DYNC2H1: variants seen among roughly 807,000 people sequenced by gnomAD.
The protein encoded by DYNC2H1 is cytoplasmic dynein 2 heavy chain 1.
A neutral mutation model predicts 570.0 loss-of-function variants in DYNC2H1; 410 were observed. The ratio of observed to expected loss-of-function variants is 0.72; its 90% CI spans 0.66 to 0.78. The LOEUF is 0.78. Ranked by LOEUF, DYNC2H1 falls within the 30% of genes least tolerant of loss-of-function variation. The pLI is 0.00. For synonymous variants in DYNC2H1, 1,688 were observed against 1,677.6 expected, an observed-to-expected ratio of 1.01 and a Z score of -0.15; for missense variants, 4,865 against 5,046.4, an observed-to-expected ratio of 0.96 and a Z score of 1.09.
At chr11:103,409,057 C>T (rs1364637826) in intron 84 of DYNC2H1, among the ~76,000 whole-genome samples, 1 of 151,998 alleles carries the variant, frequency 6.6e-6, no homozygotes, top group Admixed American at 6.6e-5. Context: ...GCTACCTTTG[C>T]ACAGTCAGGA....
At chr11:103,159,408 G>A (rs1265249504) in intron 28 of DYNC2H1, among the ~76,000 whole-genome samples, 3 of 152,120 alleles carry the variant, frequency 2.0e-5, no homozygotes, top group Admixed American at 1.3e-4. Context: ...AGGAGAATAT[G>A]CCTCTTCCTT....
In DYNC2H1 at chr11:103,129,051, G is replaced by A. The variant is rs1378575787; in HGVS notation, c.1953+46G>A. On this transcript the variant is annotated intron_variant, in intron 13 of 88. Coordinates refer to ENST00000375735, the MANE Select transcript of DYNC2H1 (RefSeq NM_001377.3). The surrounding 1 kb of genome is among the most constrained non-coding windows in gnomAD (Gnocchi z 4.1). Reference sequence around the variant, plus strand: ...ATTATAATTAGATTTTACATGTGAAGTGTTTAATTCTTAATTTTCCGGTGT... The same window carrying A: ...ATTATAATTAGATTTTACATGTGAAATGTTTAATTCTTAATTTTCCGGTGT... 1.3e-6 allele frequency: 2 copies of A among 1,485,264 alleles called. No individual in the cohort carries two copies. The highest frequency in any genetic ancestry group is 1.8e-6 in the Non-Finnish European group (2 of 1,085,204). 92.0% of individuals were successfully genotyped at this position (1,485,264 alleles called of 1,614,324 possible). A position where few individuals can be genotyped will look rare whatever the true frequency, so the allele number is the denominator to read the frequency against.
At chr11:103,303,890 G>A (rs2135397806) in intron 76 of DYNC2H1, among the ~76,000 whole-genome samples, 1 of 152,122 alleles carries the variant, frequency 6.6e-6, no homozygotes, top group South Asian at 2.1e-4. Flanking sequence ...TTACTTGGAT[G>A]CTTTTATAAT....
At chr11:103,112,302 C>T (rs1858151854) in intron 1 of DYNC2H1, among the ~76,000 whole-genome samples, 1 of 152,128 alleles carries the variant, frequency 6.6e-6, no homozygotes, top group East Asian at 1.9e-4. Context: ...GAGAATAAGG[C>T]ACAGGCTGAT....
intron 87 of DYNC2H1, among the ~76,000 whole-genome samples, chr11:103,460,959 C>T (rs575440021): frequency 4.5e-4 from 69 of 152,078 alleles, no homozygotes; most frequent in African/African-American, 1.5e-3. Context: ...AAATAATTGT[C>T]ATTTTTGTTA....
intron 85 of DYNC2H1, among the ~76,000 whole-genome samples, chr11:103,437,887 T>C (rs964062055): frequency 4.6e-5 from 7 of 152,102 alleles, no homozygotes; most frequent in Non-Finnish European, 8.8e-5. Flanking sequence ...ATATCAGTGG[T>C]ACTATAATTA....
chr11:103,412,437 T>TTAAAA (rs1304063237), intron 84 of DYNC2H1, among the ~76,000 whole-genome samples: 1 of 152,316 alleles, frequency 6.6e-6, no homozygotes, highest in African/African-American at 2.4e-5. Flanking sequence ...AAAACATAAT[T>TTAAAA]TAAAATATAC....
chr11:103,116,241 C>T (rs1336550611), intron 4 of DYNC2H1, among the ~76,000 whole-genome samples: 2 of 152,052 alleles, frequency 1.3e-5, no homozygotes, highest in Non-Finnish European at 2.9e-5. Context: ...ATGCGAACTA[C>T]AGTGGGTAGT....
chr11:103,143,200 C>G lies in DYNC2H1; in HGVS notation c.2575-68C>G, dbSNP rs1860049874. On this transcript the variant is annotated intron_variant, in intron 17 of 88. Coordinates refer to ENST00000375735, the MANE Select transcript of DYNC2H1 (RefSeq NM_001377.3). The stretch of plus-strand genomic sequence containing the variant: ...TTTTATTGGTTTTAATAGTTGAATC[C>G]TATTCTATTATATGTTAACATATTG... 3.3e-6 allele frequency: 5 copies of G among 1,517,306 alleles called. No homozygotes were observed. In the South Asian group the frequency reaches 6.1e-5, roughly 19 times the overall value. The allele number at this position is 1,517,306 out of a possible 1,614,324, so 94.0% of individuals were successfully genotyped here.
At chr11:103,339,619 C>T (rs1005724395) in intron 82 of DYNC2H1, among the ~76,000 whole-genome samples, 3 of 148,972 alleles carry the variant, frequency 2.0e-5, no homozygotes, top group East Asian at 4.0e-4. Flanking sequence ...CTCTGCACTG[C>T]GTTGCCTGGA....
At chr11:103,452,053 A>T (rs1286577277) in intron 85 of DYNC2H1, among the ~76,000 whole-genome samples, 1 of 151,986 alleles carries the variant, frequency 6.6e-6, no homozygotes. Flanking sequence ...TTCCTCCATT[A>T]TGGAATAAAA....
intron 4 of DYNC2H1, among the ~76,000 whole-genome samples, chr11:103,115,954 G>A (rs1329835499): frequency 6.6e-6 from 1 of 152,028 alleles, no homozygotes; most frequent in Non-Finnish European, 1.5e-5. Context: ...AAAAGTTTTA[G>A]TTTTATGCTT....
Position 103,387,056 on chromosome 11 carries a change from G to A in DYNC2H1, c.12157-12607G>A, listed in dbSNP as rs956581577. 6.2e-4 allele frequency among the ~76,000 whole-genome samples: 94 copies of A among 152,206 alleles called. 1 individual carries two copies. The highest frequency in any genetic ancestry group is 2.2e-3 in the African/African-American group (92 of 41,560). On this transcript the variant is annotated intron_variant, in intron 83 of 88. Coordinates refer to ENST00000375735, the MANE Select transcript of DYNC2H1 (RefSeq NM_001377.3). ...GGGTCAAATGGTATTTCTAGTTCTAGATCCCTGAGGAATCGCCGTACTGAC... is the reference window on the plus strand; with the variant it reads ...GGGTCAAATGGTATTTCTAGTTCTAAATCCCTGAGGAATCGCCGTACTGAC...
intron 15 of DYNC2H1, among the ~76,000 whole-genome samples, chr11:103,135,059 A>G (rs1490196379): frequency 6.6e-6 from 1 of 152,148 alleles, no homozygotes; most frequent in African/African-American, 2.4e-5. Context: ...CTTATGAGCA[A>G]TCTAATATTT....
chr11:103,204,604 T>G lies in DYNC2H1; in HGVS notation c.8312-218T>G, dbSNP rs1233573267. Among the ~76,000 whole-genome samples, 3 of 152,284 alleles carry G rather than the reference T, an allele frequency of 2.0e-5. No homozygotes were observed. The East Asian group carries it at 5.8e-4, about 29-fold the overall frequency. On this transcript the variant is annotated intron_variant, in intron 51 of 88. Transcript: ENST00000375735. This position sits in a 1 kb window ranked among gnomAD's most constrained non-coding sequence, Gnocchi z 4.1. Reference sequence around the variant, plus strand: ...CCCAGACATTATGACACTTACATTTTTCATGGACATTTTTCTGAGTCTTTT... The same window carrying G: ...CCCAGACATTATGACACTTACATTTGTCATGGACATTTTTCTGAGTCTTTT...
intron 82 of DYNC2H1, among the ~76,000 whole-genome samples, chr11:103,345,565 G>A (rs142727173): frequency 6.6e-6 from 1 of 152,226 alleles, no homozygotes; most frequent in African/African-American, 2.4e-5. Context: ...TTTTATTGCT[G>A]TGGAGACAGT....
chr11:103,130,756 C>T (rs1425859214), intron 13 of DYNC2H1, among the ~76,000 whole-genome samples: 1 of 152,036 alleles, frequency 6.6e-6, no homozygotes, highest in African/African-American at 2.4e-5. Context: ...TTTTTCTTCC[C>T]TAATAAATTT....
intron 85 of DYNC2H1, among the ~76,000 whole-genome samples, chr11:103,452,227 T>G (rs1944631234): frequency 6.6e-6 from 1 of 152,176 alleles, no homozygotes; most frequent in Admixed American, 6.5e-5. Flanking sequence ...TACTTGATTA[T>G]GATCAGAGGC....
At chr11:103,231,385 G>C (rs1418445394) in intron 60 of DYNC2H1, 39 bp downstream of exon 60, 2 of 1,334,738 alleles carry the variant, frequency 1.5e-6, no homozygotes, top group Non-Finnish European at 2.1e-6. Flanking sequence ...ATAATGCTGA[G>C]AGTGTTTACA....
Sources: gnomAD v4.1 joint callset for allele counts (sites outside exome capture counted in the v4.1 genomes callset) on GRCh38, gnomAD v4.1.1 for gene constraint, Gnocchi (gnomAD v3.1) non-coding constraint, MANE v1.5 for transcripts, NCBI Gene and HGNC (gene_info 2026-07-23, HGNC 2026-07-21) for gene names.